Variants in VEPH1 observed in about 807,000 individuals in gnomAD.
The protein encoded by VEPH1 is ventricular zone-expressed PH domain-containing protein homolog 1.
In VEPH1, 80 loss-of-function variants were observed where a neutral mutation model predicts 85.2. That is an observed-to-expected ratio of 0.94 (90% confidence interval 0.78 to 1.13). VEPH1 has a LOEUF of 1.13. VEPH1 is among the 50% of genes most tolerant of loss of function. The pLI is 0.00. For missense variants in VEPH1, 955 were observed against 980.5 expected, an observed-to-expected ratio of 0.97 and a Z score of 0.35; for synonymous variants, 297 against 348.0, an observed-to-expected ratio of 0.85 and a Z score of 1.63.
intron 12 of VEPH1, among the ~76,000 whole-genome samples, chr3:157,280,263 G>A (rs1277481456): frequency 6.6e-6 from 1 of 152,048 alleles, no homozygotes; most frequent in East Asian, 1.9e-4. Flanking sequence ...ACTCACATTA[G>A]TCTGCCTTTC....
intron 5 of VEPH1, among the ~76,000 whole-genome samples, chr3:157,418,972 C>CA (rs1419701161): frequency 1.3e-5 from 2 of 152,064 alleles, no homozygotes; most frequent in Non-Finnish European, 2.9e-5. Context: ...AGTACTGGTA[C>CA]AAAAACAGAC....
At chr3:157,409,318 C>G (rs1455577905) in intron 6 of VEPH1, among the ~76,000 whole-genome samples, 3 of 152,184 alleles carry the variant, frequency 2.0e-5, no homozygotes, top group South Asian at 4.1e-4. Flanking sequence ...TATGAATTTA[C>G]TTCAACTGAG....
intron 9 of VEPH1, among the ~76,000 whole-genome samples, chr3:157,321,018 T>TTA (rs1399768004): frequency 1.8e-4 from 28 of 151,946 alleles, no homozygotes; most frequent in Admixed American, 2.6e-4. Context: ...ACCTATGCCA[T>TTA]TATATATATA....
chr3:157,407,026 A>C (rs1381745794), intron 6 of VEPH1, among the ~76,000 whole-genome samples: 1 of 152,112 alleles, frequency 6.6e-6, no homozygotes, highest in African/African-American at 2.4e-5. Flanking sequence ...CCATTCCTAA[A>C]GTGTTCTCTT....
chr3:157,413,471 G>A, intron 6 of VEPH1: 1 of 985,404 alleles, frequency 1.0e-6, no homozygotes, highest in Non-Finnish European at 1.2e-6. Flanking sequence ...CCTGGGTTAA[G>A]AGAAATTGCA....
intron 9 of VEPH1, among the ~76,000 whole-genome samples, chr3:157,357,245 C>T (rs142549788): frequency 2.7e-3 from 409 of 152,204 alleles, no homozygotes; most frequent in Non-Finnish European, 5.0e-3. Flanking sequence ...ATTAGAGACA[C>T]ACCTAAGGTG....
chr3:157,494,247 C>T (rs983008979), intron 2 of VEPH1, among the ~76,000 whole-genome samples: 1 of 152,160 alleles, frequency 6.6e-6, no homozygotes, highest in South Asian at 2.1e-4. Context: ...CACAGAAGAG[C>T]GCTGTTGTTT....
chr3:157,489,213 C>T (rs1450884164), intron 2 of VEPH1: 7 of 456,284 alleles, frequency 1.5e-5, no homozygotes. Flanking sequence ...CTGCTCAGAA[C>T]TCTCCAGTGG....
rs34308512 is a variant in VEPH1 at position 157,363,202 on chromosome 3, GAA to G, written c.1735+160_1735+161del. On this transcript the variant is annotated intron_variant, in intron 9 of 13. Transcript: ENST00000362010. ...ATCAAGATGATCAACCTTTTCTTGG[GAA>G]AAAAAAAAAAAAAACTAACATAATG... is the stretch of plus-strand genomic sequence containing the variant. 1,917 of 465,254 alleles carry G rather than the reference GAA, an allele frequency of 4.1e-3. 1 individual carries two copies. Among genetic ancestry groups the G allele is most frequent in the African/African-American group, 4.9e-3 (205 of 42,148 alleles). The allele number at this position is 465,254 out of a possible 1,614,324, so 28.8% of individuals were successfully genotyped here. A position where few individuals can be genotyped will look rare whatever the true frequency, so the allele number is the denominator to read the frequency against.
intron 12 of VEPH1, among the ~76,000 whole-genome samples, chr3:157,268,901 C>T (rs1291831776): frequency 6.6e-6 from 1 of 151,742 alleles, no homozygotes; most frequent in Non-Finnish European, 1.5e-5. Flanking sequence ...GTGCACACCA[C>T]CACACTTGGC....
At chr3:157,500,074 T>C (rs1577828314) in intron 1 of VEPH1, among the ~76,000 whole-genome samples, 1 of 152,198 alleles carries the variant, frequency 6.6e-6, no homozygotes, top group African/African-American at 2.4e-5. Context: ...TTTTTCGTTA[T>C]TTGCTGGGAA....
chr3:157,381,189 C>T lies in VEPH1; in HGVS notation c.1094G>A (p.Arg365Gln), dbSNP rs16827563. The T allele has an allele frequency of 5.7e-3, 9,128 of 1,613,790 alleles. 431 individuals carry two copies. In the African/African-American group the frequency reaches 0.11, roughly 19 times the overall value. The part of the protein sequence containing the change: ...SFTAIAKLLT[R>Q]QLENTKAGSG... ...TCCAGCCTTGGTATTTTCCAGTTGTCGGGTAAGGAGTTTAGCAATGGCGGT... is the reference window on the plus strand; with the variant it reads ...TCCAGCCTTGGTATTTTCCAGTTGTTGGGTAAGGAGTTTAGCAATGGCGGT... The change falls in exon 7 of 14, where the codon CGA becomes CAA. Residue 365 changes from arginine (R) to glutamine (Q), a missense_variant. Arg to Gln is a conservative substitution (Grantham distance 43). Coordinates refer to ENST00000362010, the MANE Select transcript of VEPH1 (RefSeq NM_001167912.2).
intron 6 of VEPH1, among the ~76,000 whole-genome samples, chr3:157,403,071 A>G (rs1330171403): frequency 6.6e-6 from 1 of 152,202 alleles, no homozygotes; most frequent in Non-Finnish European, 1.5e-5. Context: ...TATAATTTCA[A>G]GACAGTATAG....
chr3:157,269,762 G>A lies in VEPH1; in HGVS notation c.2129-4100C>T, dbSNP rs549605075. On this transcript the variant is annotated intron_variant, in intron 12 of 13. Transcript: ENST00000362010. ...CAGGTGATTCAGATATGTTATCACA[G>A]CCTCTTCACAGCTAAAACAAGAAAC... Among the ~76,000 whole-genome samples the A allele has an allele frequency of 8.0e-5, 12 of 150,134 alleles. No individual in the cohort carries two copies. In the East Asian group the frequency reaches 2.4e-3, roughly 30 times the overall value.
intron 5 of VEPH1, among the ~76,000 whole-genome samples, chr3:157,427,178 G>C (rs1732817433): frequency 6.6e-6 from 1 of 152,074 alleles, no homozygotes; most frequent in South Asian, 2.1e-4. Context: ...AGTAGAAACA[G>C]GGTTTCACGG....
At chr3:157,448,796 T>A (rs192370938) in intron 4 of VEPH1, among the ~76,000 whole-genome samples, 105 of 152,340 alleles carry the variant, frequency 6.9e-4, no homozygotes, top group African/African-American at 2.3e-3. Context: ...ATTGCCCAAG[T>A]GATATGGTTT....
Position 157,487,647 on chromosome 3 carries a change from T to G in VEPH1, c.138+7565A>C, listed in dbSNP as rs79096221. Among the ~76,000 whole-genome samples the G allele has an allele frequency of 7.5e-3, 1,137 of 152,258 alleles. 21 individuals carry two copies. The highest frequency in any genetic ancestry group is 0.067 in the East Asian group (348 of 5,184). On this transcript the variant is annotated intron_variant, in intron 2 of 13. Transcript: ENST00000362010. Reference sequence around the variant, plus strand: ...GACAATTAAAGACCAATCTCATATATAAGCATAGTTCTAAAACTACTTTAA... The same window carrying G: ...GACAATTAAAGACCAATCTCATATAGAAGCATAGTTCTAAAACTACTTTAA...
intron 12 of VEPH1, chr3:157,284,957 CTT>C (rs1485443900): frequency 6.6e-6 from 1 of 152,142 alleles, no homozygotes; most frequent in Non-Finnish European, 1.5e-5. Context: ...TAAAGGAACA[CTT>C]TGTGTTTTTA....
intron 4 of VEPH1, chr3:157,437,080 T>G (rs1405850022): frequency 1.2e-6 from 2 of 1,612,580 alleles, no homozygotes; most frequent in Non-Finnish European, 8.5e-7. Context: ...TCACTTTAAC[T>G]GTTTCTCTGC....
Sources: allele counts gnomAD v4.1 joint callset (sites outside exome capture counted in the v4.1 genomes callset), GRCh38; gene constraint gnomAD v4.1.1; transcripts MANE v1.5; gene names NCBI Gene and HGNC (gene_info 2026-07-23, HGNC 2026-07-21).